Variants in MCPH1 observed in about 807,000 individuals in gnomAD.
MCPH1 encodes the protein microcephalin.
In MCPH1, 104 loss-of-function variants were observed where a neutral mutation model predicts 84.5. The observed-to-expected ratio is 1.23, with a 90% confidence interval of 1.05 to 1.45. The LOEUF is 1.45. Ranked by LOEUF, MCPH1 falls within the 40% of genes most tolerant of loss-of-function variation. The pLI, the probability that MCPH1 is intolerant of heterozygous loss-of-function variation, is 0.00. For synonymous variants in MCPH1, 514 were observed against 366.8 expected (o/e 1.40, Z -4.58); for missense variants, 1,498 against 1,005.7 (o/e 1.49, Z -6.62).
chr8:6,466,294 G>A (rs932421622), intron 9 of MCPH1, among the ~76,000 whole-genome samples: 9 of 150,136 alleles, frequency 6.0e-5, no homozygotes, highest in African/African-American at 2.0e-4. Flanking sequence ...GTTCCATCAC[G>A]CCTGGCTAAT....
At chr8:6,496,278 A>C (rs2442480) in intron 11 of MCPH1, among the ~76,000 whole-genome samples, 150,825 of 152,178 alleles carry the variant, frequency 0.99, 74,752 homozygotes, top group Middle Eastern at 1. Context: ...AGGGTTCGCA[A>C]TTCTATGAGA....
intron 12 of MCPH1, among the ~76,000 whole-genome samples, chr8:6,539,046 TGTG>T (rs1821024287): frequency 6.6e-6 from 1 of 152,116 alleles, no homozygotes; most frequent in African/African-American, 2.4e-5. Flanking sequence ...TGTGTGTGTG[TGTG>T]TTTATTCTGG....
intron 12 of MCPH1, among the ~76,000 whole-genome samples, chr8:6,567,065 C>T (rs1439614501): frequency 8.1e-5 from 12 of 148,540 alleles, no homozygotes; most frequent in African/African-American, 2.8e-4. Context: ...ATGGATAGTG[C>T]ACGCGGTGTG....
At chr8:6,504,188 G>C (rs1038400038) in intron 12 of MCPH1, among the ~76,000 whole-genome samples, 1 of 151,698 alleles carries the variant, frequency 6.6e-6, no homozygotes. Context: ...CGTGGTGGCG[G>C]ACGCCTGTAG....
rs373540411 is a variant in MCPH1, at chr8:6,497,067, T to C, written c.2137-2785T>C. Among the ~76,000 whole-genome samples the C allele has an allele frequency of 5.9e-5, 9 of 152,354 alleles. No homozygotes were observed. In the South Asian group the frequency reaches 1.9e-3, roughly 32 times the overall value. ...TCTTAGGCAGTTAAGAAAATACTAA[T>C]AAGCTAATTAATGAATAAAAACTAA... is the stretch of plus-strand genomic sequence containing the variant. On this transcript the variant is annotated intron_variant, in intron 11 of 13. Coordinates refer to ENST00000344683, the MANE Select transcript of MCPH1 (RefSeq NM_024596.5).
At chr8:6,548,496 A>G (rs1196566115) in intron 12 of MCPH1, among the ~76,000 whole-genome samples, 4 of 152,120 alleles carry the variant, frequency 2.6e-5, no homozygotes, top group Non-Finnish European at 5.9e-5. Context: ...TGGGTTTTTC[A>G]TTGCAGCTTA....
intron 1 of MCPH1, among the ~76,000 whole-genome samples, 164 bp from the exon 2 acceptor site, chr8:6,409,115 G>A (rs547217715): frequency 1.3e-5 from 2 of 152,254 alleles, no homozygotes; most frequent in East Asian, 1.9e-4. Flanking sequence ...TCAAACCCCT[G>A]ACTTCGTGGA....
intron 12 of MCPH1, among the ~76,000 whole-genome samples, chr8:6,606,150 T>C (rs1829756773): frequency 6.6e-6 from 1 of 152,242 alleles, no homozygotes; most frequent in Non-Finnish European, 1.5e-5. Context: ...AGTCCCAAAG[T>C]GTTGCAAGAT....
At chr8:6,626,282 C>G in intron 13 of MCPH1, 1 of 985,312 alleles carries the variant, frequency 1.0e-6, no homozygotes, top group South Asian at 4.7e-5. Flanking sequence ...ACGCCTCACT[C>G]ACTTGCTCCC....
At chr8:6,436,536 G>C (rs1802662775) in intron 5 of MCPH1, among the ~76,000 whole-genome samples, 1 of 151,906 alleles carries the variant, frequency 6.6e-6, no homozygotes, top group Non-Finnish European at 1.5e-5. Context: ...TTGTTACCCT[G>C]AATAGGCAAA....
At position 6,445,326 on chromosome 8, in the gene MCPH1, C is replaced by A; in HGVS notation, c.1604C>A (p.Pro535Gln). 6.2e-7 allele frequency: 1 copy of A among 1,614,202 alleles called. No homozygotes were observed. Among genetic ancestry groups the A allele is most frequent in the African/African-American group, 1.3e-5 (1 of 75,044 alleles). ...TACACCATTGAGGACCCTGCTCTTCCAAAAGGACATGATGATGATTTAACT... is the reference window on the plus strand; with the variant it reads ...TACACCATTGAGGACCCTGCTCTTCAAAAAGGACATGATGATGATTTAACT... Reference protein sequence around the residue: ...FSYTIEDPALPKGHDDDLTPL... With the variant: ...FSYTIEDPALQKGHDDDLTPL... Residue 535 changes from proline to glutamine, a missense_variant, in exon 8 of 14, where the codon CCA (proline) becomes CAA (glutamine). Pro to Gln is a moderately conservative substitution (Grantham distance 76). Transcript: ENST00000344683.
At chr8:6,630,791 A>C (rs1341957684) in intron 13 of MCPH1, among the ~76,000 whole-genome samples, 2 of 131,626 alleles carry the variant, frequency 1.5e-5, no homozygotes, top group African/African-American at 2.7e-5. Context: ...TAAAAAAAAA[A>C]AACAAAAAAA....
chr8:6,572,260 T>C (rs1826720836), intron 12 of MCPH1, among the ~76,000 whole-genome samples: 1 of 152,154 alleles, frequency 6.6e-6, no homozygotes, highest in African/African-American at 2.4e-5. Flanking sequence ...AAAAATAATA[T>C]GCGCTCTCCT....
At chr8:6,462,815 C>G (rs925800141) in intron 9 of MCPH1, among the ~76,000 whole-genome samples, 9 of 152,164 alleles carry the variant, frequency 5.9e-5, no homozygotes, top group African/African-American at 2.2e-4. Context: ...AAGATAGTAC[C>G]TCATATATAG....
intron 12 of MCPH1, chr8:6,527,520 G>T (rs770700589): frequency 1.2e-6 from 2 of 1,604,968 alleles, no homozygotes; most frequent in Admixed American, 1.7e-5. Flanking sequence ...AAAGTGTGCA[G>T]TCCTGAATTA....
At chr8:6,500,572 T>C (rs1026412994) in intron 12 of MCPH1, 8 of 153,644 alleles carry the variant, frequency 5.2e-5, no homozygotes, top group Admixed American at 3.2e-4. Context: ...ATTTAGCTGT[T>C]TGAGTAGGCC....
chr8:6,466,666 C>G (rs956512615), intron 9 of MCPH1, among the ~76,000 whole-genome samples: 1 of 151,950 alleles, frequency 6.6e-6, no homozygotes, highest in Non-Finnish European at 1.5e-5. Context: ...GGTCCGATCT[C>G]CTGACCTCGT....
intron 11 of MCPH1, among the ~76,000 whole-genome samples, chr8:6,490,488 T>C (rs573571445): frequency 1.3e-5 from 2 of 152,342 alleles, no homozygotes; most frequent in East Asian, 1.9e-4. Context: ...TCTTACAGTC[T>C]GTGTGTAAGC....
chr8:6,554,786 G>T (rs576027561), intron 12 of MCPH1, among the ~76,000 whole-genome samples: 10 of 152,268 alleles, frequency 6.6e-5, no homozygotes, highest in African/African-American at 2.4e-4. Context: ...TTTCAATCAG[G>T]TTCTAGATGA....
Sources: gnomAD v4.1 joint callset for allele counts (sites outside exome capture counted in the v4.1 genomes callset) on GRCh38, gnomAD v4.1.1 for gene constraint, MANE v1.5 for transcripts, NCBI Gene and HGNC (gene_info 2026-07-23, HGNC 2026-07-21) for gene names.